The following NDRG2 variants were observed in gnomAD, a reference collection of about 807,000 sequenced individuals.
NDRG2 encodes the protein NDRG family member 2.
A neutral mutation model predicts 58.2 loss-of-function variants in NDRG2; 34 were observed. That is an observed-to-expected ratio of 0.58 (90% CI 0.44 to 0.78). NDRG2 has a LOEUF of 0.78. Among genes scored for constraint, NDRG2 ranks in the 30% least tolerant of loss-of-function variants. The pLI, the probability that NDRG2 is intolerant of heterozygous loss-of-function variation, is 0.00. For missense variants in NDRG2, 434 were observed against 471.2 expected (o/e 0.92, Z 0.73); for synonymous variants, 187 against 175.9 (o/e 1.06, Z -0.50).
At chr14:21,058,213 G>T in intron 1 of NDRG2, 2 of 1,614,096 alleles carry the variant, frequency 1.2e-6, no homozygotes, top group Non-Finnish European at 1.7e-6. Context: ...CCCTGACCAT[G>T]GGTGAGCTCA....
At chr14:21,043,379 T>G in intron 1 of NDRG2, 1 of 1,614,126 alleles carries the variant, frequency 6.2e-7, no homozygotes, top group Non-Finnish European at 8.5e-7. Flanking sequence ...AGAACAAGTC[T>G]TACGTAGTGG....
chr14:21,019,279 T>C, intron 10 of NDRG2, 119 bp from the exon 11 acceptor site: 2 of 1,040,104 alleles, frequency 1.9e-6, no homozygotes, highest in Non-Finnish European at 2.8e-6. Context: ...ATCTTGGTTA[T>C]TAAAGGTGGA....
In NDRG2 at chr14:21,070,542, T is replaced by A; in HGVS notation, c.24+286A>T. The A allele has an allele frequency of 9.5e-7, 1 of 1,056,082 alleles. No individual in the cohort carries two copies. The highest frequency in any genetic ancestry group is 1.3e-6 in the Non-Finnish European group (1 of 772,410). The allele number at this position is 1,056,082 out of a possible 1,614,324, so 65.4% of individuals were successfully genotyped here. On this transcript the variant is annotated intron_variant, in intron 1 of 14. Transcript: ENST00000403829. The surrounding 1 kb of genome is among the most constrained non-coding windows in gnomAD (Gnocchi z 4.7). Reference sequence around the variant, plus strand: ...GACTCTCCTCCCTCCCATCCCCCCTTCTTCGATTTGTCTGTCTGCCCGACT... The same window carrying A: ...GACTCTCCTCCCTCCCATCCCCCCTACTTCGATTTGTCTGTCTGCCCGACT...
At position 21,032,001 on chromosome 14, in the gene NDRG2, G is replaced by A. The variant is rs755194198; in HGVS notation, c.25-8680C>T. On this transcript the variant is annotated intron_variant, in intron 1 of 14. Transcript: ENST00000403829. ...GGCAAGGGCAAGGGCATTGCGGGAC[G>A]GGAAGAGATGACTGACAACACAGGC... is the stretch of plus-strand genomic sequence containing the variant. 3.7e-5 allele frequency: 60 copies of A among 1,614,022 alleles called. 1 individual carries two copies. Among genetic ancestry groups the A allele is most frequent in the South Asian group, 3.6e-4 (33 of 91,082 alleles).
In NDRG2 at chr14:21,024,232, C is replaced by T. The variant is rs1263955093; in HGVS notation, c.-209G>A. 2.0e-6 allele frequency: 2 copies of T among 985,424 alleles called. No individual in the cohort carries two copies. The highest frequency in any genetic ancestry group is 1.7e-5 in the African/African-American group (1 of 57,248). The allele number at this position is 985,424 out of a possible 1,614,324, so 61.0% of individuals were successfully genotyped here. ...GTCACTAACCCTCCCCAGTGTCTGT[C>T]TACCCCTAAGTCCAGAGAACACGTC... On this transcript the variant is annotated 5_prime_UTR_variant, in exon 1 of 16. Transcript: ENST00000556147.
intron 1 of NDRG2, among the ~76,000 whole-genome samples, chr14:21,063,035 T>A (rs536490593): frequency 6.7e-6 from 1 of 150,322 alleles, no homozygotes; most frequent in East Asian, 2.0e-4. Flanking sequence ...GATGCTGAAG[T>A]GGGAGGATTG....
intron 10 of NDRG2, among the ~76,000 whole-genome samples, 174 bp from the exon 11 acceptor site, chr14:21,019,334 T>C (rs1360630515): frequency 6.6e-6 from 1 of 152,104 alleles, no homozygotes; most frequent in Non-Finnish European, 1.5e-5. Flanking sequence ...ACAGCCCCTA[T>C]AGTCACTTGT....
chr14:21,056,391 A>T (rs1179595825), intron 1 of NDRG2, among the ~76,000 whole-genome samples: 1 of 152,226 alleles, frequency 6.6e-6, no homozygotes, highest in African/African-American at 2.4e-5. Context: ...CTTTCAAAGA[A>T]TACTAGTGTT....
intron 7 of NDRG2, 71 bp downstream of exon 7, chr14:21,020,713 G>A: frequency 6.3e-7 from 1 of 1,598,788 alleles, no homozygotes; most frequent in Non-Finnish European, 8.6e-7. Flanking sequence ...CCCCCAAACA[G>A]CACTAATAAA....
intron 1 of NDRG2, chr14:21,033,920 G>A (rs1199246087): frequency 2.5e-6 from 4 of 1,613,906 alleles, no homozygotes; most frequent in Non-Finnish European, 3.4e-6. Flanking sequence ...TATTGTAGTA[G>A]CAGCTAGTGG....
intron 1 of NDRG2, among the ~76,000 whole-genome samples, chr14:21,053,417 G>T (rs1039286678): frequency 6.6e-6 from 1 of 152,158 alleles, no homozygotes; most frequent in Admixed American, 6.5e-5. Context: ...CATGAGGTCA[G>T]GAGTTCGAGA....
intron 1 of NDRG2, among the ~76,000 whole-genome samples, chr14:21,056,954 C>T (rs530508589): frequency 6.6e-6 from 1 of 152,302 alleles, no homozygotes; most frequent in East Asian, 1.9e-4. Context: ...CGCCATGCTG[C>T]TTTGACAGCT....
At chr14:21,035,163 T>G (rs1369018322) in intron 1 of NDRG2, among the ~76,000 whole-genome samples, 1 of 152,198 alleles carries the variant, frequency 6.6e-6, no homozygotes, top group Admixed American at 6.5e-5. Context: ...GACCTCCATG[T>G]GGACTCCCCA....
chr14:21,018,530 A>G (rs1878202694), intron 12 of NDRG2, 26 bp from the exon 13 acceptor site: 1 of 1,612,996 alleles, frequency 6.2e-7, no homozygotes, highest in Non-Finnish European at 8.5e-7. Context: ...GGCTGAATGA[A>G]TGAGGTCACG....
chr14:21,025,651 C>A, upstream of NDRG2: 1 of 985,370 alleles, frequency 1.0e-6, no homozygotes, highest in Non-Finnish European at 1.2e-6. The surrounding 1 kb of genome is among the most constrained non-coding windows in gnomAD (Gnocchi z 5.1). Flanking sequence ...GGAGTTCCGA[C>A]TCCCTCGTGC....
chr14:21,039,197 A>G (rs1368672654), intron 1 of NDRG2, among the ~76,000 whole-genome samples: 1 of 152,082 alleles, frequency 6.6e-6, no homozygotes, highest in Non-Finnish European at 1.5e-5. Context: ...CACAGGCGAG[A>G]GGAAGCAGCA....
chr14:21,022,474 G>T lies in NDRG2; in HGVS notation c.141C>A (p.Tyr47Ter). The T allele has an allele frequency of 6.2e-7, 1 of 1,613,876 alleles. No homozygotes were observed. The highest frequency in any genetic ancestry group is 1.1e-5 in the South Asian group (1 of 91,066). Residue 47 changes from tyrosine (Y) to a stop codon, truncating the protein, a stop_gained, in exon 4 of 16, where the codon TAC becomes TAA. Transcript: ENST00000556147. LOFTEE classifies it high-confidence loss of function. ...QGQTHSVETP[Y>*]GSVTFTVYGT... ...CATAGACAGTGAAAGTGACAGAGCC[G>T]TATGGTGTCTCCACAGAGTGAGTCT...
chr14:21,048,480 C>T (rs1885308022), intron 1 of NDRG2: 1 of 152,232 alleles, frequency 6.6e-6, no homozygotes, highest in Admixed American at 6.5e-5. Flanking sequence ...TGATCTCAAA[C>T]TCCTGAGCTC....
chr14:21,039,377 A>G (rs762735344), intron 1 of NDRG2, among the ~76,000 whole-genome samples: 6 of 152,198 alleles, frequency 3.9e-5, no homozygotes, highest in African/African-American at 4.8e-5. Flanking sequence ...TTGCTGGTGT[A>G]AGGGACTTTT....
Sources: allele counts gnomAD v4.1 joint callset (sites outside exome capture counted in the v4.1 genomes callset), GRCh38; gene constraint gnomAD v4.1.1; non-coding constraint Gnocchi (gnomAD v3.1); transcripts MANE v1.5; gene names NCBI Gene and HGNC (gene_info 2026-07-23, HGNC 2026-07-21).